Variants in ANGPT1 observed in about 807,000 individuals in gnomAD.
ANGPT1 encodes angiopoietin 1.
A neutral mutation model predicts 62.2 loss-of-function variants in ANGPT1; 17 were observed. That is an observed-to-expected ratio of 0.27 (90% CI 0.19 to 0.41). ANGPT1 has a LOEUF of 0.41. Among genes scored for constraint, ANGPT1 ranks in the 10% least tolerant of loss-of-function variants. The probability of loss-of-function intolerance (pLI) is 1.00; values close to 1 mark genes in which losing one functional copy is unlikely to be tolerated. For synonymous variants in ANGPT1, 199 were observed against 198.9 expected (o/e 1.00, Z 0.00); for missense variants, 478 against 594.9 (o/e 0.80, Z 2.04).
At chr8:107,306,734 C>A (rs559822857) in intron 4 of ANGPT1, among the ~76,000 whole-genome samples, 5 of 151,836 alleles carry the variant, frequency 3.3e-5, no homozygotes, top group South Asian at 4.1e-4. Context: ...GTAAATGACA[C>A]GAGACAGATA....
intron 1 of ANGPT1, among the ~76,000 whole-genome samples, chr8:107,382,834 C>A (rs1257535872): frequency 6.6e-6 from 1 of 152,138 alleles, no homozygotes; most frequent in Non-Finnish European, 1.5e-5. Context: ...CTAGTTCAAG[C>A]TCCTTTCTTC....
chr8:107,457,984 A>T (rs2130469642), intron 1 of ANGPT1, among the ~76,000 whole-genome samples: 1 of 152,228 alleles, frequency 6.6e-6, no homozygotes, highest in African/African-American at 2.4e-5. Context: ...ATTCTTTAAA[A>T]AAATATTATG....
intron 1 of ANGPT1, among the ~76,000 whole-genome samples, chr8:107,475,919 A>T (rs1377579985): frequency 2.6e-5 from 4 of 152,190 alleles, no homozygotes; most frequent in African/African-American, 4.8e-5. Flanking sequence ...TTCGATCATT[A>T]AAAAGTCAGT....
intron 1 of ANGPT1, among the ~76,000 whole-genome samples, chr8:107,371,769 C>A (rs995756769): frequency 1.3e-5 from 2 of 151,936 alleles, no homozygotes; most frequent in Admixed American, 1.3e-4. Context: ...CTGTCTTCCA[C>A]CTGCCTAAAC....
At chr8:107,344,466 G>A (rs1026312921) in intron 2 of ANGPT1, among the ~76,000 whole-genome samples, 2 of 152,206 alleles carry the variant, frequency 1.3e-5, no homozygotes, top group African/African-American at 4.8e-5. Context: ...GGCCAGCAGA[G>A]TTATTCAGAT....
At chr8:107,312,042 C>A (rs377676141) in intron 4 of ANGPT1, among the ~76,000 whole-genome samples, 3 of 129,332 alleles carry the variant, frequency 2.3e-5, no homozygotes, top group African/African-American at 9.1e-5. Flanking sequence ...CCAGCCTGGG[C>A]GACAGAGCGA....
intron 1 of ANGPT1, among the ~76,000 whole-genome samples, chr8:107,464,484 G>A (rs1401310589): frequency 6.6e-6 from 1 of 151,712 alleles, no homozygotes; most frequent in Non-Finnish European, 1.5e-5. Context: ...CATTTATCTT[G>A]TCCCTACTAT....
chr8:107,479,662 T>C (rs193029210), intron 1 of ANGPT1, among the ~76,000 whole-genome samples: 45 of 152,326 alleles, frequency 3.0e-4, no homozygotes, highest in Non-Finnish European at 5.0e-4. Flanking sequence ...TTAAGTAGCA[T>C]AGAGTTATAA....
intron 5 of ANGPT1, among the ~76,000 whole-genome samples, chr8:107,302,575 C>T (rs1338200534): frequency 6.6e-6 from 1 of 151,914 alleles, no homozygotes; most frequent in Non-Finnish European, 1.5e-5. Flanking sequence ...ATGATATCCA[C>T]TTAACAGTAT....
chr8:107,434,291 G>A (rs1006484924), intron 1 of ANGPT1, among the ~76,000 whole-genome samples: 3 of 152,172 alleles, frequency 2.0e-5, no homozygotes, highest in East Asian at 1.9e-4. Flanking sequence ...CGGGAAAGTG[G>A]GAGTGGCAGG....
In ANGPT1 at chr8:107,337,374, A is replaced by G. The variant is rs541962676; in HGVS notation, c.454-1103T>C. 1.8e-4 allele frequency among the ~76,000 whole-genome samples: 28 copies of G among 152,272 alleles called. No individual in the cohort carries two copies. The South Asian group carries it at 3.3e-3, about 18-fold the overall frequency. On this transcript the variant is annotated intron_variant, in intron 2 of 8. Coordinates refer to ENST00000517746, the MANE Select transcript of ANGPT1 (RefSeq NM_001146.5). ...TCTAGAAACTGTGAAGGCTCAATTC[A>G]TCTTGAATCACAATGACCCATGTGT... is the stretch of plus-strand genomic sequence containing the variant.
intron 1 of ANGPT1, among the ~76,000 whole-genome samples, chr8:107,424,711 C>T (rs1810990745): frequency 1.3e-5 from 2 of 152,120 alleles, no homozygotes; most frequent in Non-Finnish European, 2.9e-5. Flanking sequence ...CTTGGTTATG[C>T]ATGAATGTTA....
chr8:107,274,310 G>T (rs1269141062), intron 7 of ANGPT1, among the ~76,000 whole-genome samples: 1 of 152,128 alleles, frequency 6.6e-6, no homozygotes, highest in Non-Finnish European at 1.5e-5. Flanking sequence ...AGTGTATGGT[G>T]GTTGGCTGGC....
At chr8:107,313,545 T>C (rs1168345154) in intron 4 of ANGPT1, among the ~76,000 whole-genome samples, 5 of 140,520 alleles carry the variant, frequency 3.6e-5, no homozygotes, top group African/African-American at 1.3e-4. Context: ...GTTTCTGCCA[T>C]TCTCCTGCCT....
At chr8:107,257,870 G>GTTTTTTTTTTTTTTTTTTTTTTTT (rs750634420) in intron 8 of ANGPT1, among the ~76,000 whole-genome samples, 7 of 45,238 alleles carry the variant, frequency 1.5e-4, no homozygotes, top group Non-Finnish European at 1.8e-4. Context: ...CCAAGGACTT[G>GTTTTTTTTTTTTTTTTTTTTTTTT]TTTTTGTTTC....
At chr8:107,355,411 A>C (rs1816022206) in intron 1 of ANGPT1, among the ~76,000 whole-genome samples, 1 of 152,130 alleles carries the variant, frequency 6.6e-6, no homozygotes, top group South Asian at 2.1e-4. Flanking sequence ...GGATCAATCT[A>C]AAGCACAGAT....
At chr8:107,328,195 T>C (rs568930412) in intron 3 of ANGPT1, among the ~76,000 whole-genome samples, 19 of 152,234 alleles carry the variant, frequency 1.2e-4, no homozygotes, top group Middle Eastern at 3.4e-3. Flanking sequence ...TTTCAACATG[T>C]ATGGTGTCAA....
chr8:107,394,365 G>A (rs7014709), intron 1 of ANGPT1, among the ~76,000 whole-genome samples: 1 of 152,156 alleles, frequency 6.6e-6, no homozygotes, highest in Non-Finnish European at 1.5e-5. Context: ...TAAGAGGCAA[G>A]AAAAGATTAA....
intron 1 of ANGPT1, among the ~76,000 whole-genome samples, chr8:107,415,881 G>T (rs1810727006): frequency 6.6e-6 from 1 of 152,082 alleles, no homozygotes; most frequent in Admixed American, 6.6e-5. Context: ...TTATAACGGA[G>T]CTATAAAAGT....
Sources: gnomAD v4.1 joint callset for allele counts (sites outside exome capture counted in the v4.1 genomes callset) on GRCh38, gnomAD v4.1.1 for gene constraint, MANE v1.5 for transcripts, NCBI Gene and HGNC (gene_info 2026-07-23, HGNC 2026-07-21) for gene names.